The following PTPRD variants were observed in gnomAD, a reference collection of about 807,000 sequenced individuals.
PTPRD encodes receptor-type tyrosine-protein phosphatase delta.
Under a neutral mutation model 214.5 loss-of-function variants are expected in PTPRD, and 34 were observed. The ratio of observed to expected loss-of-function variants is 0.16; its 90% CI spans 0.12 to 0.21. The LOEUF is 0.21. Ranked by LOEUF, PTPRD falls within the 10% of genes least tolerant of loss-of-function variation. The pLI, the probability that PTPRD is intolerant of heterozygous loss-of-function variation, is 1.00. For synonymous variants in PTPRD, 1,128 were observed against 845.7 expected, an observed-to-expected ratio of 1.33 and a Z score of -5.79; for missense variants, 2,545 against 2,398.7, an observed-to-expected ratio of 1.06 and a Z score of -1.27.
intron 2 of PTPRD, among the ~76,000 whole-genome samples, chr9:10,413,635 G>C (rs2098458945): frequency 6.6e-6 from 1 of 151,906 alleles, no homozygotes; most frequent in Non-Finnish European, 1.5e-5. Flanking sequence ...ACCAAAAAAA[G>C]AGCCCAAATA....
At position 10,449,734 on chromosome 9, in the gene PTPRD, G is replaced by C. The variant is rs538427759; in HGVS notation, c.-599-108717C>G. On this transcript the variant is annotated intron_variant, in intron 2 of 45. Transcript: ENST00000381196. ...CCTCTGCCCGGCAGCCACCCCATCT[G>C]GGAGGTGTACCCAACAGCTCATTGA... Among the ~76,000 whole-genome samples the C allele has an allele frequency of 2.7e-3, 405 of 151,884 alleles. 5 individuals carry two copies. The highest frequency in any genetic ancestry group is 9.1e-3 in the African/African-American group (375 of 41,204).
intron 8 of PTPRD, among the ~76,000 whole-genome samples, chr9:9,541,157 T>A (rs1382982501): frequency 6.6e-6 from 1 of 151,764 alleles, no homozygotes; most frequent in Admixed American, 6.6e-5. Flanking sequence ...GAACCAACTT[T>A]CCTAGGCTAG....
intron 14 of PTPRD, among the ~76,000 whole-genome samples, chr9:8,557,285 T>C (rs751725930): frequency 6.6e-6 from 1 of 151,974 alleles, no homozygotes; most frequent in Non-Finnish European, 1.5e-5. Flanking sequence ...AATCAACAGC[T>C]TGCCTAAGAC....
chr9:10,536,023 T>C (rs2057704439), intron 2 of PTPRD, among the ~76,000 whole-genome samples: 1 of 152,098 alleles, frequency 6.6e-6, no homozygotes, highest in African/African-American at 2.4e-5. Flanking sequence ...AAAGAGTTTT[T>C]TTCCAGTGGT....
intron 12 of PTPRD, among the ~76,000 whole-genome samples, chr9:8,675,488 C>T (rs1596626811): frequency 1.4e-5 from 2 of 144,770 alleles, no homozygotes; most frequent in East Asian, 4.1e-4. Context: ...ATACCCCCAC[C>T]TCCAGGTACA....
intron 37 of PTPRD, among the ~76,000 whole-genome samples, chr9:8,377,827 G>C (rs1041294360): frequency 4.6e-5 from 7 of 151,984 alleles, no homozygotes; most frequent in African/African-American, 1.4e-4. Context: ...ATAATGATTT[G>C]CTTTTATGTT....
intron 4 of PTPRD, among the ~76,000 whole-genome samples, chr9:9,975,243 A>T (rs898588971): frequency 1.3e-5 from 2 of 152,150 alleles, no homozygotes; most frequent in African/African-American, 4.8e-5. Context: ...ATTTTTCTTT[A>T]TCTAGATCCC....
chr9:9,060,565 G>A (rs78492550), intron 10 of PTPRD, among the ~76,000 whole-genome samples: 1 of 151,916 alleles, frequency 6.6e-6, no homozygotes, highest in South Asian at 2.1e-4. Context: ...GAAAGACAAA[G>A]AGGAAAGATA....
chr9:9,045,530 C>G (rs992789307), intron 10 of PTPRD, among the ~76,000 whole-genome samples: 2 of 152,146 alleles, frequency 1.3e-5, no homozygotes, highest in South Asian at 4.1e-4. Context: ...TTCAAGGTAA[C>G]AGTTGAAGTT....
At chr9:10,023,619 CT>C (rs2096865870) in intron 4 of PTPRD, among the ~76,000 whole-genome samples, 1 of 145,026 alleles carries the variant, frequency 6.9e-6, no homozygotes, top group East Asian at 1.9e-4. Context: ...TTACATGGAA[CT>C]ATTTTTTTTT....
chr9:8,920,880 C>G (rs1205963549), intron 11 of PTPRD, among the ~76,000 whole-genome samples: 1 of 152,158 alleles, frequency 6.6e-6, no homozygotes, highest in Non-Finnish European at 1.5e-5. Flanking sequence ...GTGGTGCAAT[C>G]TCGGCTCACC....
At chr9:9,593,558 C>T (rs1403284631) in intron 7 of PTPRD, among the ~76,000 whole-genome samples, 3 of 151,672 alleles carry the variant, frequency 2.0e-5, no homozygotes, top group Non-Finnish European at 2.9e-5. Context: ...AGGGAGTCAC[C>T]CCAGATTACT....
intron 10 of PTPRD, chr9:9,091,236 G>A: frequency 7.9e-7 from 1 of 1,268,084 alleles, no homozygotes; most frequent in Admixed American, 1.7e-5. Context: ...CCCCACCAAA[G>A]CCCATGTAAG....
At chr9:9,751,083 A>C (rs1190361277) in intron 6 of PTPRD, among the ~76,000 whole-genome samples, 1 of 152,154 alleles carries the variant, frequency 6.6e-6, no homozygotes, top group Non-Finnish European at 1.5e-5. Flanking sequence ...TCTTGAATGA[A>C]GATTCTAAAC....
chr9:8,611,496 G>C (rs2095443241), intron 14 of PTPRD, among the ~76,000 whole-genome samples: 1 of 152,104 alleles, frequency 6.6e-6, no homozygotes. Flanking sequence ...CTTGAGCCCA[G>C]GAGTTCGAGA....
rs116151051 is a variant in PTPRD, at chr9:8,945,100, G to A, written c.-104+73597C>T. On this transcript the variant is annotated intron_variant, in intron 11 of 45. Coordinates refer to ENST00000381196, the MANE Select transcript of PTPRD (RefSeq NM_002839.4). ...TTACAAAAAGGGAAAGAAAACCACAGCAATCTAAAATCAGGGAAACAATTT... is the reference window on the plus strand; with the variant it reads ...TTACAAAAAGGGAAAGAAAACCACAACAATCTAAAATCAGGGAAACAATTT... 9.1e-3 allele frequency among the ~76,000 whole-genome samples: 1,387 copies of A among 151,974 alleles called. 18 individuals carry two copies. The highest frequency in any genetic ancestry group is 0.032 in the African/African-American group (1,327 of 41,488).
intron 2 of PTPRD, among the ~76,000 whole-genome samples, chr9:10,441,919 G>C (rs568746958): frequency 1.3e-5 from 2 of 151,570 alleles, no homozygotes; most frequent in South Asian, 2.1e-4. Context: ...CAGTTGACAA[G>C]ACTAAATATG....
intron 8 of PTPRD, among the ~76,000 whole-genome samples, chr9:9,408,232 A>G (rs562621110): frequency 1.3e-5 from 2 of 151,974 alleles, no homozygotes; most frequent in East Asian, 1.9e-4. Flanking sequence ...GGAAATTATT[A>G]TATGTGCAAA....
intron 3 of PTPRD, among the ~76,000 whole-genome samples, chr9:10,138,302 T>A (rs2098956959): frequency 6.6e-6 from 1 of 152,046 alleles, no homozygotes; most frequent in African/African-American, 2.4e-5. Context: ...CATGAATACA[T>A]TCCTAGAAAC....
Sources: gnomAD v4.1 joint callset for allele counts (sites outside exome capture counted in the v4.1 genomes callset) on GRCh38, gnomAD v4.1.1 for gene constraint, MANE v1.5 for transcripts, NCBI Gene and HGNC (gene_info 2026-07-23, HGNC 2026-07-21) for gene names.